The following GPLD1 variants were observed in gnomAD, a reference collection of about 807,000 sequenced individuals.
The protein encoded by GPLD1 is phosphatidylinositol-glycan-specific phospholipase D.
GPLD1 carries 84 observed loss-of-function variants against 112.6 expected under a neutral mutation model. The observed-to-expected ratio is 0.75, with a 90% CI of 0.63 to 0.89. GPLD1 has a LOEUF of 0.89. Among genes scored for constraint, GPLD1 ranks in the 40% least tolerant of loss-of-function variants. The pLI is 0.00. For synonymous variants in GPLD1, 386 were observed against 403.8 expected (o/e 0.96, Z 0.53); for missense variants, 1,044 against 1,051.5 (o/e 0.99, Z 0.10).
chr6:24,477,124 T>C (rs188805713), intron 3 of GPLD1, among the ~76,000 whole-genome samples: 2 of 151,800 alleles, frequency 1.3e-5, no homozygotes, highest in African/African-American at 4.8e-5. Context: ...TTCTCCAGAA[T>C]ACAGTAAAAC....
At chr6:24,474,556 TAAAAC>T (rs1763944577) in intron 5 of GPLD1, among the ~76,000 whole-genome samples, 1 of 152,240 alleles carries the variant, frequency 6.6e-6, no homozygotes, top group South Asian at 2.1e-4. Flanking sequence ...TTTTTGTGAC[TAAAAC>T]AAAACATCAC....
At chr6:24,469,822 A>C (rs1429762953) in intron 7 of GPLD1, among the ~76,000 whole-genome samples, 2 of 152,192 alleles carry the variant, frequency 1.3e-5, no homozygotes, top group Non-Finnish European at 2.9e-5. Context: ...AATCGCAACC[A>C]ATAAAATCTA....
At chr6:24,462,515 T>C (rs186893958) in intron 11 of GPLD1, among the ~76,000 whole-genome samples, 28 of 152,320 alleles carry the variant, frequency 1.8e-4, no homozygotes, top group African/African-American at 6.0e-4. Flanking sequence ...ACCATAATTC[T>C]GGGAGTGTTG....
chr6:24,455,132 CTGTGATA>C (rs1308380090), intron 13 of GPLD1, among the ~76,000 whole-genome samples: 56 of 152,350 alleles, frequency 3.7e-4, no homozygotes, highest in African/African-American at 1.3e-3. Flanking sequence ...TTGTTTAAGG[CTGTGATA>C]CCTGGTGGGA....
upstream of GPLD1, among the ~76,000 whole-genome samples, chr6:24,490,016 G>A (rs1387384162): frequency 6.6e-6 from 1 of 152,146 alleles, no homozygotes; most frequent in Non-Finnish European, 1.5e-5. Flanking sequence ...ACAAGTGCTG[G>A]GAAAGTTTTA....
At position 24,478,287 on chromosome 6, in the gene GPLD1, T is replaced by C. The variant is rs911441871; in HGVS notation, c.232+1594A>G. 1.4e-4 allele frequency among the ~76,000 whole-genome samples: 21 copies of C among 152,304 alleles called. 1 individual carries two copies. Among genetic ancestry groups the C allele is most frequent in the African/African-American group, 4.6e-4 (19 of 41,562 alleles). On this transcript the variant is annotated intron_variant, in intron 3 of 24. Coordinates refer to ENST00000230036, the MANE Select transcript of GPLD1 (RefSeq NM_001503.4). ...GCAAAATAATAGGATTGAGAAATGA[T>C]AGTTAACAGACTAAGAGGGAAACAG...
intron 8 of GPLD1, 105 bp downstream of exon 8, chr6:24,467,062 G>T: frequency 3.6e-6 from 4 of 1,100,342 alleles, no homozygotes; most frequent in Non-Finnish European, 5.6e-6. Flanking sequence ...TGAATAAGCA[G>T]AATCCATAAA....
chr6:24,433,477 A>G (rs1009612202), intron 22 of GPLD1, 88 bp from the exon 23 acceptor site: 1 of 677,312 alleles, frequency 1.5e-6, no homozygotes, highest in Non-Finnish European at 2.3e-6. Context: ...TTATACCCTC[A>G]TTTCTACTTT....
chr6:24,443,150 C>T (rs1025215583), intron 20 of GPLD1, among the ~76,000 whole-genome samples: 2 of 152,118 alleles, frequency 1.3e-5, no homozygotes, highest in African/African-American at 4.8e-5. Flanking sequence ...AGCGTCATTA[C>T]AAGACTGAAC....
chr6:24,464,393 C>T (rs532640875), intron 10 of GPLD1, among the ~76,000 whole-genome samples: 1 of 152,242 alleles, frequency 6.6e-6, no homozygotes, highest in South Asian at 2.1e-4. Flanking sequence ...AACCCAGGTC[C>T]ACGGGAGAGC....
intron 11 of GPLD1, 101 bp from the exon 12 acceptor site, chr6:24,460,500 C>A: frequency 1.6e-6 from 2 of 1,257,586 alleles, no homozygotes; most frequent in Non-Finnish European, 2.2e-6. Flanking sequence ...GGTTAAAAGA[C>A]CACAAAATTT....
intron 12 of GPLD1, among the ~76,000 whole-genome samples, chr6:24,458,475 T>C (rs1024596345): frequency 1.3e-5 from 2 of 151,988 alleles, no homozygotes; most frequent in African/African-American, 2.4e-5. Flanking sequence ...AATCCAAATA[T>C]GGCAAGACAA....
At chr6:24,450,731 CT>C (rs1388485551) in intron 14 of GPLD1, among the ~76,000 whole-genome samples, 4 of 152,174 alleles carry the variant, frequency 2.6e-5, no homozygotes, top group Non-Finnish European at 5.9e-5. Context: ...AATCCCAGCA[CT>C]TTGGGAGGCC....
Position 24,467,230 on chromosome 6 carries a change from T to C in GPLD1, c.590A>G (p.Tyr197Cys), listed in dbSNP as rs1209230771. 5.6e-6 allele frequency: 9 copies of C among 1,607,546 alleles called. No homozygotes were observed. Among genetic ancestry groups the C allele is most frequent in the Non-Finnish European group, 7.7e-6 (9 of 1,174,000 alleles). ...ATTTTCGGTGATGACTTTTCGACCATACAGTTTCTCATAAATTCCCAGTAG... is the reference window on the plus strand; with the variant it reads ...ATTTTCGGTGATGACTTTTCGACCACACAGTTTCTCATAAATTCCCAGTAG... Reference protein sequence around the residue: ...KDLLGIYEKLYGRKVITENVI... With the variant: ...KDLLGIYEKLCGRKVITENVI... Residue 197 changes from tyrosine (Y) to cysteine (C), a missense_variant, in exon 8 of 25, where the codon TAT (tyrosine) becomes TGT (cysteine). By Grantham distance (194) the Tyr-to-Cys change is radical. Coordinates refer to ENST00000230036, the MANE Select transcript of GPLD1 (RefSeq NM_001503.4).
chr6:24,430,935 T>TAATC (rs149939833), intron 24 of GPLD1, among the ~76,000 whole-genome samples: 17,493 of 152,210 alleles, frequency 0.11, 1,303 homozygotes, highest in East Asian at 0.16. Context: ...TACTTTTAGA[T>TAATC]TATATATACC....
In GPLD1 at chr6:24,446,995, C is replaced by T. The variant is rs1762930925; in HGVS notation, c.1679-16G>A. The T allele has an allele frequency of 1.2e-6, 2 of 1,609,816 alleles. No homozygotes were observed. The highest frequency in any genetic ancestry group is 1.7e-6 in the Non-Finnish European group (2 of 1,177,280). ...TTCAGTTTTTCTAAAGAAGACAACTCATCCTTTTTACTAATACTTTAAGTG... is the reference window on the plus strand; with the variant it reads ...TTCAGTTTTTCTAAAGAAGACAACTTATCCTTTTTACTAATACTTTAAGTG... On this transcript the variant is annotated splice_polypyrimidine_tract_variant and intron_variant, in intron 17 of 24. Transcript: ENST00000230036.
At chr6:24,432,523 C>A (rs1762438049) in intron 24 of GPLD1, among the ~76,000 whole-genome samples, 1 of 152,064 alleles carries the variant, frequency 6.6e-6, no homozygotes, top group South Asian at 2.1e-4. Context: ...ATCACTTGAA[C>A]CTGGGAGGTG....
At chr6:24,477,874 T>C (rs993670750) in intron 3 of GPLD1, among the ~76,000 whole-genome samples, 1 of 152,236 alleles carries the variant, frequency 6.6e-6, no homozygotes, top group Non-Finnish European at 1.5e-5. Context: ...ATTAGGTATG[T>C]ATGAGACAAG....
chr6:24,451,085 A>T (rs1311582029), intron 14 of GPLD1, among the ~76,000 whole-genome samples: 1 of 152,236 alleles, frequency 6.6e-6, no homozygotes, highest in Non-Finnish European at 1.5e-5. Flanking sequence ...CCCGCACTGG[A>T]CAGCACAGCT....
Sources: allele counts gnomAD v4.1 joint callset (sites outside exome capture counted in the v4.1 genomes callset), GRCh38; gene constraint gnomAD v4.1.1; transcripts MANE v1.5; gene names NCBI Gene and HGNC (gene_info 2026-07-23, HGNC 2026-07-21).